Variants in RYR2 observed in about 807,000 individuals in gnomAD.
The protein encoded by RYR2 is ryanodine receptor 2, also known as cardiac muscle ryanodine receptor-calcium release channel.
Under a neutral mutation model 601.1 loss-of-function variants are expected in RYR2, and 227 were observed. The observed-to-expected ratio is 0.38, with a 90% confidence interval of 0.34 to 0.42. The LOEUF (loss-of-function observed/expected upper bound fraction) is 0.42, where lower values mean the gene tolerates loss of function less well. Ranked by LOEUF, RYR2 falls within the 10% of genes least tolerant of loss-of-function variation. RYR2 has a pLI of 1.00. For synonymous variants in RYR2, 2,223 were observed against 2,175.1 expected, an observed-to-expected ratio of 1.02 and a Z score of -0.61; for missense variants, 4,646 against 6,156.5, an observed-to-expected ratio of 0.75 and a Z score of 8.21.
chr1:237,248,591 A>G (rs1210612362), intron 1 of RYR2, among the ~76,000 whole-genome samples: 4 of 152,068 alleles, frequency 2.6e-5, no homozygotes, highest in Non-Finnish European at 5.9e-5. Flanking sequence ...GTAACTGGGT[A>G]TAAGCTGTAT....
At chr1:237,348,133 G>A (rs1698457007) in intron 3 of RYR2, among the ~76,000 whole-genome samples, 1 of 152,144 alleles carries the variant, frequency 6.6e-6, no homozygotes, top group Admixed American at 6.5e-5. Context: ...TCCCCTTGAG[G>A]TATTTCTCTG....
chr1:237,106,066 C>T lies in RYR2; in HGVS notation c.48+63497C>T, dbSNP rs565942727. On this transcript the variant is annotated intron_variant, in intron 1 of 104. Transcript: ENST00000366574. This position sits in a 1 kb window ranked among gnomAD's most constrained non-coding sequence, Gnocchi z 4.4. ...AGTGGTGGGGAGGCCAGAGGGGCTGCGGGTGTGGGCCGGGCAGGTGGAGGA... is the reference window on the plus strand; with the variant it reads ...AGTGGTGGGGAGGCCAGAGGGGCTGTGGGTGTGGGCCGGGCAGGTGGAGGA... Among the ~76,000 whole-genome samples, 35 of 151,882 alleles carry T rather than the reference C, an allele frequency of 2.3e-4. No individual in the cohort carries two copies. Among genetic ancestry groups the T allele is most frequent in the African/African-American group, 8.4e-4 (35 of 41,448 alleles).
chr1:237,345,151 G>C (rs529858114), intron 3 of RYR2, among the ~76,000 whole-genome samples: 29 of 152,164 alleles, frequency 1.9e-4, no homozygotes, highest in Non-Finnish European at 3.1e-4. Flanking sequence ...CTCTGACTTT[G>C]TTCTTCTCCA....
rs531867555 is a variant in RYR2, at chr1:237,534,945, A to G, written c.2906+4435A>G. Among the ~76,000 whole-genome samples the G allele has an allele frequency of 1.2e-4, 18 of 151,370 alleles. No individual in the cohort carries two copies. In the South Asian group the frequency reaches 3.7e-3, roughly 31 times the overall value. ...CTAAACCAAGCCAATTAATGTATTT[A>G]TTACCTCACATAATCCCTTTTTATT... On this transcript the variant is annotated intron_variant, in intron 25 of 104. Coordinates refer to ENST00000366574, the MANE Select transcript of RYR2 (RefSeq NM_001035.3).
intron 87 of RYR2, among the ~76,000 whole-genome samples, chr1:237,774,870 T>G (rs774537274): frequency 2.0e-5 from 3 of 152,008 alleles, no homozygotes; most frequent in Admixed American, 1.3e-4. Context: ...AAATGAAACA[T>G]AACCGCCATT....
intron 34 of RYR2, among the ~76,000 whole-genome samples, chr1:237,596,199 C>T (rs1162109865): frequency 6.6e-6 from 1 of 152,054 alleles, no homozygotes; most frequent in South Asian, 2.1e-4. Flanking sequence ...AACAGATCCC[C>T]CTCCCCAAAA....
intron 93 of RYR2, chr1:237,791,736 G>A: frequency 1.7e-6 from 1 of 573,704 alleles, no homozygotes; most frequent in South Asian, 2.3e-5. Flanking sequence ...TGATTTAGCA[G>A]AGGGCTTCCC....
At chr1:237,458,400 G>A in intron 16 of RYR2, among the ~76,000 whole-genome samples, 1 of 152,156 alleles carries the variant, frequency 6.6e-6, no homozygotes, top group East Asian at 1.9e-4. Flanking sequence ...CTGCACTCCA[G>A]CCTAGGTGAC....
chr1:237,440,067 A>G (rs1364234271), intron 12 of RYR2, among the ~76,000 whole-genome samples: 4 of 152,202 alleles, frequency 2.6e-5, no homozygotes, highest in East Asian at 3.8e-4. Context: ...TGATAATTAT[A>G]TATTTTCTTA....
At chr1:237,406,602 G>C (rs1194051548) in intron 10 of RYR2, among the ~76,000 whole-genome samples, 1 of 151,682 alleles carries the variant, frequency 6.6e-6, no homozygotes, top group African/African-American at 2.4e-5. Context: ...GTATATTCTG[G>C]AGAAAAAATG....
intron 16 of RYR2, among the ~76,000 whole-genome samples, chr1:237,461,678 CAGAT>C (rs1659497897): frequency 6.6e-6 from 1 of 150,562 alleles, no homozygotes; most frequent in Non-Finnish European, 1.5e-5. Context: ...TCTCTAATGC[CAGAT>C]AATTGATAGC....
intron 1 of RYR2, among the ~76,000 whole-genome samples, chr1:237,206,300 C>A (rs1020145431): frequency 1.3e-5 from 2 of 152,190 alleles, no homozygotes; most frequent in Non-Finnish European, 2.9e-5. Context: ...GTCCTGAATA[C>A]CCTGAAACTC....
In RYR2 at chr1:237,531,071, A is replaced by G. The variant is rs563586233; in HGVS notation, c.2906+561A>G. Among the ~76,000 whole-genome samples the G allele has an allele frequency of 2.0e-4, 30 of 152,296 alleles. No individual in the cohort carries two copies. The South Asian group carries it at 2.1e-3, about 11-fold the overall frequency. ...GTTATAAAAATTGTGTTATTTTCCC[A>G]GTGTGTGTTTATATGTTAACAGAGG... On this transcript the variant is annotated intron_variant, in intron 25 of 104. Coordinates refer to ENST00000366574, the MANE Select transcript of RYR2 (RefSeq NM_001035.3).
chr1:237,761,326 T>C (rs557193771), intron 84 of RYR2, among the ~76,000 whole-genome samples: 1 of 152,316 alleles, frequency 6.6e-6, no homozygotes, highest in South Asian at 2.1e-4. Context: ...GAGAATTTTC[T>C]GGGAAATCAT....
chr1:237,261,264 G>A (rs555714041), intron 1 of RYR2, among the ~76,000 whole-genome samples: 29 of 152,210 alleles, frequency 1.9e-4, no homozygotes, highest in Admixed American at 7.2e-4. Flanking sequence ...GACCCCCCTT[G>A]GGTAACTGCT....
intron 37 of RYR2, among the ~76,000 whole-genome samples, chr1:237,615,584 A>G (rs570769268): frequency 6.2e-4 from 95 of 152,126 alleles, no homozygotes; most frequent in Non-Finnish European, 1.0e-3. Flanking sequence ...TCCTCTGTTT[A>G]TTAAAGTCAA....
chr1:237,746,671 G>A (rs1692106895), intron 80 of RYR2, among the ~76,000 whole-genome samples: 2 of 151,960 alleles, frequency 1.3e-5, no homozygotes, highest in Non-Finnish European at 2.9e-5. Flanking sequence ...TAACTTTATT[G>A]CATATTTAGT....
chr1:237,115,783 T>G (rs923534599), intron 1 of RYR2, among the ~76,000 whole-genome samples: 4 of 152,164 alleles, frequency 2.6e-5, no homozygotes, highest in Admixed American at 6.5e-5. Context: ...AACGTTCACT[T>G]AATGAAGTTT....
At chr1:237,124,447 C>T (rs947051986) in intron 1 of RYR2, among the ~76,000 whole-genome samples, 4 of 152,126 alleles carry the variant, frequency 2.6e-5, no homozygotes, top group Non-Finnish European at 5.9e-5. Flanking sequence ...AATACATTAT[C>T]TTACAGTTTT....
Sources: gnomAD v4.1 joint callset for allele counts (sites outside exome capture counted in the v4.1 genomes callset) on GRCh38, gnomAD v4.1.1 for gene constraint, Gnocchi (gnomAD v3.1) non-coding constraint, MANE v1.5 for transcripts, NCBI Gene and HGNC (gene_info 2026-07-23, HGNC 2026-07-21) for gene names.